CEP72: variants seen among roughly 807,000 people sequenced by gnomAD.
CEP72 encodes centrosomal protein 72, also known as centrosomal protein of 72 kDa.
CEP72 carries 78 observed loss-of-function variants against 65.7 expected under a neutral mutation model. The ratio of observed to expected loss-of-function variants is 1.19; its 90% CI spans 0.99 to 1.43. The LOEUF (loss-of-function observed/expected upper bound fraction) is 1.43. Among genes scored for constraint, CEP72 ranks in the 40% most tolerant of loss-of-function variants. The probability of loss-of-function intolerance (pLI) is 0.00; values close to 1 mark genes in which losing one functional copy is unlikely to be tolerated. For synonymous variants in CEP72, 358 were observed against 351.7 expected (o/e 1.02, Z -0.20); for missense variants, 914 against 832.9 (o/e 1.10, Z -1.20).
At chr5:643,353 G>A in intron 9 of CEP72, 1 of 985,450 alleles carries the variant, frequency 1.0e-6, no homozygotes, top group Non-Finnish European at 1.2e-6. Flanking sequence ...ATGCTGGTTG[G>A]CGCCACTGCA....
intron 3 of CEP72, chr5:665,462 C>T (rs1310835922): frequency 5.8e-6 from 4 of 685,770 alleles, no homozygotes; most frequent in Admixed American, 3.0e-5. Flanking sequence ...CCTCTCCTGA[C>T]CCTGGGGCAG....
Position 639,169 on chromosome 5 carries a change from G to A in CEP72, c.1287G>A (p.Leu429=), listed in dbSNP as rs756840675. The change falls in exon 8 of 12, where the codon CTG becomes CTA. Residue 429 remains leucine (L), a synonymous_variant. Transcript: ENST00000264935. The stretch of plus-strand genomic sequence containing the variant: ...CGCTCCTGGAGACGCTCTTGGACCT[G>A]GTGGACAGGAGCTGGGGCGGCTGCA... ...QAALLETLLD[L]VDRSWGGCRS... The A allele has an allele frequency of 1.3e-4, 203 of 1,610,394 alleles. No homozygotes were observed. Among genetic ancestry groups the A allele is most frequent in the Non-Finnish European group, 1.7e-4 (200 of 1,177,898 alleles).
chr5:647,903 C>A lies in CEP72; in HGVS notation c.1765C>A (p.Gln589Lys). ...GATCCAGGAGCTCACGCAGATGCTG[C>A]AGGAGAGCCACAGGTGCCTGCCCGT... ...DKIQELTQML[Q>K]ESHSSLVSTN... Residue 589 changes from glutamine to lysine, a missense_variant, in exon 11 of 12, where the codon CAG (glutamine) becomes AAG (lysine). Coordinates refer to ENST00000264935, the MANE Select transcript of CEP72 (RefSeq NM_018140.4). 1 of 1,610,872 alleles carries A rather than the reference C, an allele frequency of 6.2e-7. No individual in the cohort carries two copies. The highest frequency in any genetic ancestry group is 8.5e-7 in the Non-Finnish European group (1 of 1,179,190).
Position 645,449 on chromosome 5 carries a change from T to G in CEP72, c.1666+1024T>G, listed in dbSNP as rs1738352783. 6.7e-6 allele frequency among the ~76,000 whole-genome samples: 1 copy of G among 148,896 alleles called. No homozygotes were observed. The highest frequency in any genetic ancestry group is 2.5e-5 in the African/African-American group (1 of 40,496). On this transcript the variant is annotated intron_variant, in intron 10 of 11. Coordinates refer to ENST00000264935, the MANE Select transcript of CEP72 (RefSeq NM_018140.4). This position sits in a 1 kb window ranked among gnomAD's most constrained non-coding sequence, Gnocchi z 4.0. ...GTGTCCATTCAACATCATTTCGTCG[T>G]AAAGGTGATGAGAAAAAAAAAAAAA... is the stretch of plus-strand genomic sequence containing the variant.
At chr5:652,105 G>A (rs895011135) in intron 11 of CEP72, among the ~76,000 whole-genome samples, 3 of 152,216 alleles carry the variant, frequency 2.0e-5, no homozygotes, top group Non-Finnish European at 2.9e-5. Flanking sequence ...GTGCCCAGTC[G>A]TGGGCAGGGC....
chr5:663,465 C>T (rs536214252), exon 2 of CEP72: 2 of 152,562 alleles, frequency 1.3e-5, no homozygotes, highest in South Asian at 4.1e-4. Flanking sequence ...AGGTCCTCCC[C>T]ATCCTCAGGT....
downstream of CEP72, among the ~76,000 whole-genome samples, chr5:655,030 A>T (rs1454338421): frequency 3.3e-5 from 5 of 152,134 alleles, no homozygotes; most frequent in Non-Finnish European, 2.9e-5. This position sits in a 1 kb window ranked among gnomAD's most constrained non-coding sequence, Gnocchi z 5.0. Flanking sequence ...TGTATAGTGA[A>T]TTTTTTATAT....
intron 1 of CEP72, among the ~76,000 whole-genome samples, chr5:613,017 T>C (rs1735771555): frequency 6.6e-6 from 1 of 152,248 alleles, no homozygotes; most frequent in South Asian, 2.1e-4. Context: ...TATGGACATG[T>C]CAATTTCTGT....
intron 5 of CEP72, 62 bp downstream of exon 5, chr5:634,009 T>C (rs1464743689): frequency 2.0e-6 from 3 of 1,516,190 alleles, no homozygotes; most frequent in African/African-American, 2.7e-5. Context: ...ATATAGTCGT[T>C]ACTGGGCTTG....
intron 4 of CEP72, among the ~76,000 whole-genome samples, 164 bp from the exon 5 acceptor site, chr5:633,605 C>T (rs993848215): frequency 1.3e-5 from 2 of 152,258 alleles, no homozygotes; most frequent in African/African-American, 2.4e-5. Context: ...TGGTGAGTCA[C>T]TCTTTAGCAT....
intron 9 of CEP72, chr5:641,957 C>T (rs1738069383): frequency 2.2e-6 from 2 of 911,842 alleles, no homozygotes; most frequent in Non-Finnish European, 2.6e-6. Context: ...TGCATTTGAA[C>T]ACACGTGGTC....
At chr5:652,246 G>A (rs972082326) in intron 11 of CEP72, among the ~76,000 whole-genome samples, 1 of 152,194 alleles carries the variant, frequency 6.6e-6, no homozygotes, top group African/African-American at 2.4e-5. Flanking sequence ...TGGTGGCATT[G>A]GGCTTCTGCC....
chr5:656,865 G>A (rs2126840753), downstream of CEP72: 1 of 152,206 alleles, frequency 6.6e-6, no homozygotes, highest in East Asian at 1.9e-4. Flanking sequence ...ATATTCAAAG[G>A]GGTGATAAAT....
chr5:617,633 C>A (rs1194559927), intron 1 of CEP72, among the ~76,000 whole-genome samples: 2 of 152,240 alleles, frequency 1.3e-5, no homozygotes, highest in Non-Finnish European at 2.9e-5. Context: ...CCAAGTGGGG[C>A]AAAACCAGGC....
chr5:650,034 A>T (rs1192569449), intron 11 of CEP72, among the ~76,000 whole-genome samples: 1 of 107,436 alleles, frequency 9.3e-6, no homozygotes, highest in Non-Finnish European at 1.9e-5. Context: ...GTGAGGTGTG[A>T]CTGTGAGGCG....
intron 1 of CEP72, chr5:663,179 G>A (rs950696495): frequency 1.6e-5 from 2 of 121,386 alleles, no homozygotes; most frequent in Non-Finnish European, 4.1e-5. Context: ...CTGCTCGTCT[G>A]TGACCGGGCG....
At chr5:662,206 T>G (rs1330187578) in intron 1 of CEP72, 5 of 152,524 alleles carry the variant, frequency 3.3e-5, no homozygotes, top group Non-Finnish European at 7.3e-5. Context: ...TGGGAAGGGC[T>G]GTGGTGAGTC....
chr5:618,991 T>G lies in CEP72; in HGVS notation c.84T>G (p.Ala28=), dbSNP rs1455019368. 6.2e-7 allele frequency: 1 copy of G among 1,604,822 alleles called. No homozygotes were observed. Among genetic ancestry groups the G allele is most frequent in the Non-Finnish European group, 8.5e-7 (1 of 1,172,662 alleles). Residue 28 remains alanine (A), a splice_region_variant and synonymous_variant, in exon 2 of 12, where the codon GCT becomes GCG. Coordinates refer to ENST00000264935, the MANE Select transcript of CEP72 (RefSeq NM_018140.4). ...KSGLGPHRDL[A]ELQSLSIPGT... Reference sequence around the variant, plus strand: ...ATCTTACAATTTTTCTATTCTTAGCTGAGCTTCAGTCATTGTCTATTCCTG... The same window carrying G: ...ATCTTACAATTTTTCTATTCTTAGCGGAGCTTCAGTCATTGTCTATTCCTG...
At chr5:651,661 C>G (rs1017450052) in intron 11 of CEP72, among the ~76,000 whole-genome samples, 2 of 151,956 alleles carry the variant, frequency 1.3e-5, no homozygotes, top group Non-Finnish European at 2.9e-5. Flanking sequence ...GAATTGTGTG[C>G]CGGGACGTGG....
Sources: allele counts gnomAD v4.1 joint callset (sites outside exome capture counted in the v4.1 genomes callset), GRCh38; gene constraint gnomAD v4.1.1; non-coding constraint Gnocchi (gnomAD v3.1); transcripts MANE v1.5; gene names NCBI Gene and HGNC (gene_info 2026-07-23, HGNC 2026-07-21).